Variants in SHROOM2 observed in about 807,000 individuals in gnomAD.
SHROOM2 encodes shroom family member 2, also known as protein Shroom2.
Under a neutral mutation model 75.9 loss-of-function variants are expected in SHROOM2, and 33 were observed. The observed-to-expected ratio is 0.43, with a 90% CI of 0.33 to 0.58. SHROOM2 has a LOEUF of 0.58. SHROOM2 is among the 20% of genes least tolerant of loss of function. SHROOM2 has a pLI of 0.04. For synonymous variants in SHROOM2, 655 were observed against 663.6 expected (o/e 0.99, Z 0.20); for missense variants, 1,434 against 1,461.2 (o/e 0.98, Z 0.30).
At chrX:9,809,989 T>C (rs2083783566) in intron 1 of SHROOM2, among the ~76,000 whole-genome samples, 1 of 112,510 alleles carries the variant, frequency 8.9e-6, no homozygotes, top group African/African-American at 3.2e-5. Flanking sequence ...AGTCAATAAA[T>C]CTTATGTCAC....
intron 1 of SHROOM2, among the ~76,000 whole-genome samples, chrX:9,830,038 C>G (rs781447167): frequency 9.0e-6 from 1 of 111,556 alleles, no homozygotes; most frequent in East Asian, 2.8e-4. Context: ...ATGTCTTGGG[C>G]TCTGCAAGTC....
In SHROOM2 at chrX:9,894,691, G is replaced by T. The variant is rs74461072; in HGVS notation, c.783G>T (p.Ser261=). 1.1e-4 allele frequency: 131 copies of T among 1,208,854 alleles called. No individual in the cohort carries two copies. The highest frequency in any genetic ancestry group is 3.9e-4 in the South Asian group (22 of 56,531). Residue 261 remains serine, a synonymous_variant, in exon 4 of 10, where the codon TCG becomes TCT. Coordinates refer to ENST00000380913, the MANE Select transcript of SHROOM2 (RefSeq NM_001649.4). The part of the protein sequence containing the change: ...QAQAAGDPQG[S]EEKLSCFPPR... ...AGGCCGCAGGCGACCCTCAGGGCTC[G>T]GAGGAGAAGCTCAGTTGTTTCCCGC... is the stretch of plus-strand genomic sequence containing the variant.
Position 9,818,927 on chromosome X carries a change from C to T in SHROOM2, c.165+32217C>T, listed in dbSNP as rs1179372713. ...GTATCTTCCCCCCAGTCATCCTCCTCTTCTTCCACTGTATGTGGAGGAGGG... is the reference window on the plus strand; with the variant it reads ...GTATCTTCCCCCCAGTCATCCTCCTTTTCTTCCACTGTATGTGGAGGAGGG... On this transcript the variant is annotated intron_variant, in intron 1 of 9. Transcript: ENST00000380913. 9.0e-6 allele frequency: 5 copies of T among 557,257 alleles called. No homozygotes were observed. In the African/African-American group the frequency reaches 1.1e-4, roughly 13 times the overall value. The allele number at this position is 557,257 out of a possible 1,213,427, so 45.9% of individuals were successfully genotyped here.
chrX:9,896,428 G>A lies in SHROOM2; in HGVS notation c.2520G>A (p.Glu840=). The A allele has an allele frequency of 2.5e-6, 3 of 1,212,014 alleles. No individual in the cohort carries two copies. The highest frequency in any genetic ancestry group is 3.3e-6 in the Non-Finnish European group (3 of 895,596). ...CGGGCCGCACATGTGAGGGCACGGAGCCCTGGTCGCGCACCACCTCCCTTG... is the reference window on the plus strand; with the variant it reads ...CGGGCCGCACATGTGAGGGCACGGAACCCTGGTCGCGCACCACCTCCCTTG... ...RTAGRTCEGT[E]PWSRTTSLGD... Residue 840 remains glutamate (E), a synonymous_variant, in exon 4 of 10, where the codon GAG becomes GAA. Coordinates refer to ENST00000380913, the MANE Select transcript of SHROOM2 (RefSeq NM_001649.4).
At chrX:9,894,270 C>G in intron 3 of SHROOM2, 88 bp from the exon 4 acceptor site, 8 of 920,238 alleles carry the variant, frequency 8.7e-6, no homozygotes, top group Non-Finnish European at 1.2e-5. Flanking sequence ...GGTATTTCCA[C>G]AGAGGGTCAG....
chrX:9,864,781 C>T (rs1334949081), intron 1 of SHROOM2, among the ~76,000 whole-genome samples: 1 of 106,926 alleles, frequency 9.4e-6, no homozygotes, highest in Non-Finnish European at 1.9e-5. Flanking sequence ...GCCGAGATCC[C>T]GCCACTGCAC....
At chrX:9,836,199 C>T (rs1232337601) in intron 1 of SHROOM2, among the ~76,000 whole-genome samples, 2 of 112,021 alleles carry the variant, frequency 1.8e-5, no homozygotes, top group African/African-American at 6.5e-5. Context: ...GCCCATGTCC[C>T]CTCTCCCAGC....
At chrX:9,845,321 G>T (rs1449706207) in intron 1 of SHROOM2, among the ~76,000 whole-genome samples, 1 of 112,000 alleles carries the variant, frequency 8.9e-6, no homozygotes, top group Non-Finnish European at 1.9e-5. Flanking sequence ...CTGTTGTTTA[G>T]CAAGCGCTGT....
chrX:9,867,604 C>T (rs2084147768), intron 1 of SHROOM2, among the ~76,000 whole-genome samples: 1 of 111,157 alleles, frequency 9.0e-6, no homozygotes, highest in Middle Eastern at 4.3e-3. Flanking sequence ...GGCACCTTCC[C>T]TAAGGTGCCT....
chrX:9,881,514 G>A (rs1405367773), intron 2 of SHROOM2, among the ~76,000 whole-genome samples: 1 of 112,248 alleles, frequency 8.9e-6, no homozygotes, highest in African/African-American at 3.2e-5. Context: ...GTGAGTGGAC[G>A]TCTGGCTTAC....
rs1465074633 is a variant in SHROOM2 at position 9,895,136 on chromosome X, G to A, written c.1228G>A (p.Ala410Thr). ...GGATGGAGCTTCCAGTAGGCTGCAGGCCTCTCTGTCCAGCTCAGATGTGCG... is the reference window on the plus strand; with the variant it reads ...GGATGGAGCTTCCAGTAGGCTGCAGACCTCTCTGTCCAGCTCAGATGTGCG... Reference protein sequence around the residue: ...SKDGASSRLQASLSSSDVRFP... With the variant: ...SKDGASSRLQTSLSSSDVRFP... Residue 410 changes from alanine to threonine, a missense_variant, in exon 4 of 10, where the codon GCC (alanine) becomes ACC (threonine). Physicochemically the swap from Ala to Thr is moderately conservative, Grantham distance 58. Coordinates refer to ENST00000380913, the MANE Select transcript of SHROOM2 (RefSeq NM_001649.4). 2.5e-6 allele frequency: 3 copies of A among 1,210,597 alleles called. No homozygotes were observed. The highest frequency in any genetic ancestry group is 2.2e-6 in the Non-Finnish European group (2 of 895,345).
chrX:9,890,603 A>G (rs1601969208), intron 2 of SHROOM2, among the ~76,000 whole-genome samples: 1 of 112,830 alleles, frequency 8.9e-6, no homozygotes, highest in Admixed American at 9.2e-5. Flanking sequence ...AACCCCCTGC[A>G]CTGTTTGGCT....
intron 5 of SHROOM2, among the ~76,000 whole-genome samples, chrX:9,898,544 T>C (rs1204177464): frequency 8.9e-6 from 1 of 112,265 alleles, no homozygotes; most frequent in Non-Finnish European, 1.9e-5. Flanking sequence ...TTTTGGTTCT[T>C]AAAATGGCTA....
rs188636223 is a variant in SHROOM2 at position 9,872,128 on chromosome X, A to C, written c.166-1524A>C. ...CCAATGGGTGTGACTGTATTACACT[A>C]AAACTTTGGGTGGTGGGAGGGGGAA... On this transcript the variant is annotated intron_variant, in intron 1 of 9. Coordinates refer to ENST00000380913, the MANE Select transcript of SHROOM2 (RefSeq NM_001649.4). Among the ~76,000 whole-genome samples the C allele has an allele frequency of 5.9e-4, 67 of 112,649 alleles. No homozygotes were observed. The East Asian group carries it at 8.9e-3, about 15-fold the overall frequency.
At chrX:9,866,084 ATTT>A (rs773543500) in intron 1 of SHROOM2, among the ~76,000 whole-genome samples, 7 of 78,758 alleles carry the variant, frequency 8.9e-5, no homozygotes, top group Non-Finnish European at 1.2e-4. Context: ...GGGGCCAGGA[ATTT>A]TTTTTTTTTT....
chrX:9,836,084 G>C (rs143823852), intron 1 of SHROOM2, among the ~76,000 whole-genome samples: 1,544 of 112,139 alleles, frequency 0.014, 22 homozygotes, highest in African/African-American at 0.048. Flanking sequence ...CCTGGAGAGC[G>C]GGGAGGGGAG....
At chrX:9,911,773 G>A (rs1346425010) in intron 5 of SHROOM2, among the ~76,000 whole-genome samples, 1 of 111,812 alleles carries the variant, frequency 8.9e-6, no homozygotes, top group African/African-American at 3.3e-5. Flanking sequence ...CCTAATGAGT[G>A]TGTAATCAAC....
Position 9,786,509 on chromosome X carries a change from G to A in SHROOM2, c.-37G>A, listed in dbSNP as rs1476128255. 2.4e-6 allele frequency: 2 copies of A among 840,342 alleles called. No individual in the cohort carries two copies. The highest frequency in any genetic ancestry group is 6.7e-5 in the Admixed American group (1 of 14,828). The allele number at this position is 840,342 out of a possible 1,213,427, so 69.3% of individuals were successfully genotyped here. A position where few individuals can be genotyped will look rare whatever the true frequency, so the allele number is the denominator to read the frequency against. ...TCCCACGGCCGGGACTGCCCGGAGT[G>A]CATGGGCGCGGGCCAGGGACGCTGA... is the stretch of plus-strand genomic sequence containing the variant. On this transcript the variant is annotated 5_prime_UTR_variant, in exon 1 of 10. Transcript: ENST00000380913.
chrX:9,820,337 G>C (rs1234446770), intron 1 of SHROOM2, among the ~76,000 whole-genome samples: 5 of 108,558 alleles, frequency 4.6e-5, no homozygotes, highest in African/African-American at 1.7e-4. Flanking sequence ...GCCACAGCCA[G>C]CTTCCAGCTT....
Sources: gnomAD v4.1 joint callset for allele counts (sites outside exome capture counted in the v4.1 genomes callset) on GRCh38, gnomAD v4.1.1 for gene constraint, MANE v1.5 for transcripts, NCBI Gene and HGNC (gene_info 2026-07-23, HGNC 2026-07-21) for gene names.